CEP290: variants seen among roughly 807,000 people sequenced by gnomAD.
CEP290 encodes centrosomal protein 290.
A neutral mutation model predicts 344.9 loss-of-function variants in CEP290; 317 were observed. The observed-to-expected ratio is 0.92, with a 90% CI of 0.84 to 1.01. The LOEUF (loss-of-function observed/expected upper bound fraction) is 1.01. Among genes scored for constraint, CEP290 ranks in the 50% least tolerant of loss-of-function variants. The pLI is 0.00. For synonymous variants in CEP290, 932 were observed against 895.8 expected (o/e 1.04, Z -0.72); for missense variants, 2,754 against 2,761.4 (o/e 1.00, Z 0.06).
At chr12:88,074,094 A>T (rs1486261779) in intron 41 of CEP290, among the ~76,000 whole-genome samples, 2 of 152,054 alleles carry the variant, frequency 1.3e-5, no homozygotes, top group African/African-American at 4.8e-5. Flanking sequence ...TCGTGGTGCC[A>T]GGCACCTGTA....
intron 5 of CEP290, among the ~76,000 whole-genome samples, chr12:88,138,796 T>A (rs1313511970): frequency 6.6e-6 from 1 of 152,232 alleles, no homozygotes; most frequent in Non-Finnish European, 1.5e-5. Context: ...AATACATTCA[T>A]ATTTTAGCCT....
At chr12:88,111,488 G>T in intron 21 of CEP290, 137 bp from the exon 22 acceptor site, 1 of 929,050 alleles carries the variant, frequency 1.1e-6, no homozygotes, top group Non-Finnish European at 1.5e-6. Flanking sequence ...CTAGGTATGA[G>T]ATTTAGAATT....
intron 27 of CEP290, 39 bp downstream of exon 27, chr12:88,096,849 A>G (rs757300355): frequency 2.1e-6 from 2 of 946,934 alleles, no homozygotes; most frequent in Admixed American, 5.4e-5. Flanking sequence ...TCATTATTAG[A>G]TGTTAATCAT....
intron 31 of CEP290, 133 bp downstream of exon 31, chr12:88,088,899 C>A: frequency 1.9e-6 from 1 of 523,004 alleles, no homozygotes; most frequent in Non-Finnish European, 3.1e-6. Flanking sequence ...CCAGCTACAA[C>A]TACTCAGGAG....
Position 88,058,883 on chromosome 12 carries a change from A to G in CEP290, c.6783T>C (p.Ala2261=). 4.3e-6 allele frequency: 7 copies of G among 1,613,922 alleles called. No individual in the cohort carries two copies. The highest frequency in any genetic ancestry group is 1.3e-5 in the African/African-American group (1 of 75,060). ...CAATGGATTTCCAGCTCTTACTGTC[A>G]GCACCTTCAAGCTGTGGACCTCTGC... The part of the protein sequence containing the change: ...AESRGPQLEG[A]DSKSWKSIVV... Residue 2261 remains alanine, a synonymous_variant, in exon 49 of 54, where the codon GCT becomes GCC. Transcript: ENST00000552810.
At chr12:88,102,814 G>A (rs774439710) in intron 26 of CEP290, 24 bp downstream of exon 26, 1 of 1,578,240 alleles carries the variant, frequency 6.3e-7, no homozygotes, top group Non-Finnish European at 8.6e-7. Flanking sequence ...AATTTCACAA[G>A]GTTCAAGAAT....
rs776435281 is a variant in CEP290, at chr12:88,118,654, G to C, written c.1612C>G (p.Leu538Val). 3 of 1,613,198 alleles carry C rather than the reference G, an allele frequency of 1.9e-6. No homozygotes were observed. The East Asian group carries it at 6.7e-5, about 36-fold the overall frequency. ...ACTACCACACTTGCCTCTTTCAAAA[G>C]AATCTGGTTTTCAGCTCTGTACTGC... ...QQQYRAENQI[L>V]LKEIESLEEE... is the part of the protein sequence containing the mutation. Residue 538 changes from leucine to valine, a missense_variant, in exon 16 of 54, where the codon CTT (leucine) becomes GTT (valine). Physicochemically the swap from Leu to Val is conservative, Grantham distance 32. Coordinates refer to ENST00000552810, the MANE Select transcript of CEP290 (RefSeq NM_025114.4).
At chr12:88,089,593 G>A (rs2137282685) in intron 30 of CEP290, 106 bp from the exon 31 acceptor site, 3 of 730,266 alleles carry the variant, frequency 4.1e-6, no homozygotes, top group South Asian at 3.2e-5. Context: ...TTAACACAGT[G>A]GCACATGAGA....
intron 25 of CEP290, among the ~76,000 whole-genome samples, chr12:88,105,083 C>G (rs765085165): frequency 2.0e-5 from 3 of 152,084 alleles, no homozygotes; most frequent in Non-Finnish European, 2.9e-5. Flanking sequence ...TATCTAAATG[C>G]CTTCCCCACT....
At chr12:88,104,418 T>C (rs2038122339) in intron 25 of CEP290, among the ~76,000 whole-genome samples, 1 of 152,078 alleles carries the variant, frequency 6.6e-6, no homozygotes, top group South Asian at 2.1e-4. Flanking sequence ...CTGTCTTGTC[T>C]TTGTTTATGT....
At chr12:88,076,559 C>T (rs1488028090) in intron 41 of CEP290, among the ~76,000 whole-genome samples, 1 of 152,022 alleles carries the variant, frequency 6.6e-6, no homozygotes, top group East Asian at 1.9e-4. Context: ...AAGTTATCTC[C>T]AATTTATTGT....
intron 44 of CEP290, among the ~76,000 whole-genome samples, chr12:88,066,196 G>C (rs1419128027): frequency 6.6e-6 from 1 of 152,186 alleles, no homozygotes; most frequent in Non-Finnish European, 1.5e-5. Context: ...TAAATGCTAT[G>C]AACAAACTTT....
intron 26 of CEP290, among the ~76,000 whole-genome samples, chr12:88,100,029 C>A (rs951833376): frequency 1.3e-5 from 2 of 151,634 alleles, no homozygotes; most frequent in African/African-American, 4.8e-5. Context: ...CCTGTAATCC[C>A]AGCACTTTGG....
chr12:88,087,625 C>A (rs2036685361), intron 32 of CEP290, among the ~76,000 whole-genome samples, 155 bp downstream of exon 32: 1 of 144,170 alleles, frequency 6.9e-6, no homozygotes, highest in Non-Finnish European at 1.5e-5. Context: ...GAGGCTGAGG[C>A]AGGAGAATGG....
chr12:88,109,176 T>C lies in CEP290; in HGVS notation c.2373A>G (p.Leu791=), dbSNP rs760126835. 8.9e-7 allele frequency: 1 copy of C among 1,122,204 alleles called. No homozygotes were observed. Among genetic ancestry groups the C allele is most frequent in the Non-Finnish European group, 1.3e-6 (1 of 797,064 alleles). 69.5% of individuals were successfully genotyped at this position (1,122,204 alleles called of 1,614,324 possible). A position where few individuals can be genotyped will look rare whatever the true frequency, so the allele number is the denominator to read the frequency against. ...NEYLIHLLQE[L]ENKEKKLKNL... Reference sequence around the variant, plus strand: ...TCTTTAACTTTTTTTCTTTATTTTCTAGTTCCTGAAAAGTGGTTTAGAAAT... The same window carrying C: ...TCTTTAACTTTTTTTCTTTATTTTCCAGTTCCTGAAAAGTGGTTTAGAAAT... The change falls in exon 23 of 54, where the codon CTA becomes CTG. Residue 791 remains leucine (L), a synonymous_variant. Coordinates refer to ENST00000552810, the MANE Select transcript of CEP290 (RefSeq NM_025114.4).
At chr12:88,090,595 A>T (rs960655416) in intron 30 of CEP290, 133 bp downstream of exon 30, 1 of 620,744 alleles carries the variant, frequency 1.6e-6, no homozygotes, top group Non-Finnish European at 2.8e-6. Flanking sequence ...GTACCACTGC[A>T]CTCCACCCTG....
Position 88,129,232 on chromosome 12 carries a change from G to C in CEP290, c.853-197C>G, listed in dbSNP as rs147937851. On this transcript the variant is annotated intron_variant, in intron 10 of 53. Transcript: ENST00000552810. ...TCATTGAAGTCATCCTGGAATTATA[G>C]GTGACATTTAATAGTTTCTGCATCT... Among the ~76,000 whole-genome samples, 827 of 151,674 alleles carry C rather than the reference G, an allele frequency of 5.5e-3. 14 individuals carry two copies. The highest frequency in any genetic ancestry group is 0.019 in the African/African-American group (774 of 41,424).
intron 22 of CEP290, 135 bp downstream of exon 22, chr12:88,111,067 T>C: frequency 2.2e-6 from 1 of 463,084 alleles, no homozygotes. Context: ...TTGAGAAAAG[T>C]ACTATCTGCA....
At position 88,062,766 on chromosome 12, in the gene CEP290, C is replaced by A. The variant is rs778771117; in HGVS notation, c.6283G>T (p.Asp2095Tyr). ...DLPRLKNQVRDLKEMCEFLKK... is the reference protein window; with the variant it reads ...DLPRLKNQVRYLKEMCEFLKK... ...AGAAATTCACACATTTCCTTCAAAT[C>A]TCTGACTTGATTCTGAAAGATAACA... The change falls in exon 46 of 54, where the codon GAT becomes TAT. Residue 2095 changes from aspartate to tyrosine, a missense_variant. By Grantham distance (160) the Asp-to-Tyr change is radical (BLOSUM62 -3). Coordinates refer to ENST00000552810, the MANE Select transcript of CEP290 (RefSeq NM_025114.4). The A allele has an allele frequency of 3.8e-6, 6 of 1,578,480 alleles. No homozygotes were observed. The African/African-American group carries it at 6.7e-5, about 18-fold the overall frequency.
Sources: gnomAD v4.1 joint callset for allele counts (sites outside exome capture counted in the v4.1 genomes callset) on GRCh38, gnomAD v4.1.1 for gene constraint, MANE v1.5 for transcripts, NCBI Gene and HGNC (gene_info 2026-07-23, HGNC 2026-07-21) for gene names.